The following BCO1 variants were observed in gnomAD, a reference collection of about 807,000 sequenced individuals.
BCO1 encodes the protein beta,beta-carotene 15,15'-dioxygenase.
In BCO1, 54 loss-of-function variants were observed where a neutral mutation model predicts 56.3. That is an observed-to-expected ratio of 0.96 (90% CI 0.77 to 1.20). The LOEUF is 1.20. Among genes scored for constraint, BCO1 ranks in the 50% most tolerant of loss-of-function variants. The pLI is 0.00. For missense variants in BCO1, 801 were observed against 690.9 expected, an observed-to-expected ratio of 1.16 and a Z score of -1.79; for synonymous variants, 318 against 266.1, an observed-to-expected ratio of 1.20 and a Z score of -1.90.
At chr16:81,248,074 C>G (rs1050699684) in intron 2 of BCO1, among the ~76,000 whole-genome samples, 2 of 152,070 alleles carry the variant, frequency 1.3e-5, no homozygotes, top group Non-Finnish European at 2.9e-5. Context: ...GTCTCGTGCA[C>G]AACACCTGCT....
chr16:81,250,728 G>A (rs1905742600), intron 2 of BCO1, among the ~76,000 whole-genome samples: 1 of 151,970 alleles, frequency 6.6e-6, no homozygotes, highest in Non-Finnish European at 1.5e-5. Flanking sequence ...TTACAGGCAT[G>A]AGCCACCATG....
intron 7 of BCO1, 110 bp downstream of exon 7, chr16:81,270,526 G>GA (rs936411072): frequency 0.05 from 49,345 of 980,212 alleles, no homozygotes; most frequent in Non-Finnish European, 0.055. Context: ...AACTGTTCTT[G>GA]AAAAAAAAAA....
chr16:81,258,449 C>G (rs1475319509), intron 2 of BCO1, among the ~76,000 whole-genome samples: 1 of 152,200 alleles, frequency 6.6e-6, no homozygotes, highest in Non-Finnish European at 1.5e-5. Flanking sequence ...TGTTCAATAT[C>G]AAACGTTACT....
intron 3 of BCO1, among the ~76,000 whole-genome samples, chr16:81,260,031 C>T (rs745380742): frequency 1.4e-4 from 21 of 152,120 alleles, no homozygotes; most frequent in Admixed American, 2.6e-4. Context: ...GGTGGGAAAG[C>T]GATTTGGAAT....
At position 81,262,305 on chromosome 16, in the gene BCO1, G is replaced by C. The variant is rs745894707; in HGVS notation, c.471+22G>C. 4.4e-6 allele frequency: 7 copies of C among 1,607,312 alleles called. No individual in the cohort carries two copies. The South Asian group carries it at 6.6e-5, about 15-fold the overall frequency. ...GAAGGTATCAACACATATGTAACCA[G>C]CATCACTTCCTGACTCAAGAAAGGG... On this transcript the variant is annotated intron_variant, in intron 4 of 10. Transcript: ENST00000258168.
chr16:81,285,688 CA>C lies in BCO1; in HGVS notation c.1302+57del, dbSNP rs1416733645. On this transcript the variant is annotated intron_variant, in intron 9 of 10. Coordinates refer to ENST00000258168, the MANE Select transcript of BCO1 (RefSeq NM_017429.3). ...TTCCTACAGTGATTGTGTCTATATG[CA>C]AAGCTGAATTCTAAGGTTCTGAGAC... 6 of 1,310,090 alleles carry C rather than the reference CA, an allele frequency of 4.6e-6. No individual in the cohort carries two copies. The Admixed American group carries it at 1.0e-4, about 22-fold the overall frequency. The allele number at this position is 1,310,090 out of a possible 1,614,324, so 81.2% of individuals were successfully genotyped here. A position where few individuals can be genotyped will look rare whatever the true frequency, so the allele number is the denominator to read the frequency against.
intron 1 of BCO1, among the ~76,000 whole-genome samples, chr16:81,244,857 C>G (rs1905305334): frequency 6.6e-6 from 1 of 151,754 alleles, no homozygotes; most frequent in Non-Finnish European, 1.5e-5. Context: ...GCAGCTGGGA[C>G]TACAGGCATA....
intron 2 of BCO1, among the ~76,000 whole-genome samples, chr16:81,255,214 C>T (rs1260390678): frequency 1.3e-5 from 2 of 152,194 alleles, no homozygotes; most frequent in East Asian, 3.8e-4. Context: ...AGACAGAACA[C>T]TCAAACTGAT....
intron 5 of BCO1, among the ~76,000 whole-genome samples, chr16:81,266,533 G>C (rs1036655772): frequency 2.6e-5 from 4 of 152,140 alleles, no homozygotes; most frequent in African/African-American, 7.2e-5. Context: ...GAGCCTTCGA[G>C]GTCAGAAGGT....
At chr16:81,253,671 T>C (rs1290271129) in intron 2 of BCO1, among the ~76,000 whole-genome samples, 5 of 152,102 alleles carry the variant, frequency 3.3e-5, no homozygotes, top group African/African-American at 1.2e-4. Flanking sequence ...CCTACAGAAA[T>C]ATCTCAGTGA....
At position 81,276,520 on chromosome 16, in the gene BCO1, G is replaced by A. The variant is rs771893339; in HGVS notation, c.1102-4337G>A. ...TGGTTGTGCTGGCTAGGGCATCCACGCAGTGAGGGATGGAGCCTGGGATGA... is the reference window on the plus strand; with the variant it reads ...TGGTTGTGCTGGCTAGGGCATCCACACAGTGAGGGATGGAGCCTGGGATGA... On this transcript the variant is annotated intron_variant, in intron 7 of 10. Transcript: ENST00000258168. Among the ~76,000 whole-genome samples the A allele has an allele frequency of 1.6e-4, 25 of 152,226 alleles. 1 individual carries two copies. Among genetic ancestry groups the A allele is most frequent in the Non-Finnish European group, 3.1e-4 (21 of 68,042 alleles).
intron 1 of BCO1, 34 bp downstream of exon 1, chr16:81,239,006 CTATT>C (rs772450447): frequency 6.4e-7 from 1 of 1,559,166 alleles, no homozygotes; most frequent in Non-Finnish European, 8.8e-7. Flanking sequence ...GCTCTTTCTT[CTATT>C]TATTTTATTA....
intron 6 of BCO1, among the ~76,000 whole-genome samples, chr16:81,269,168 A>G (rs1187857691): frequency 6.8e-6 from 1 of 147,708 alleles, no homozygotes; most frequent in Non-Finnish European, 1.5e-5. Context: ...ATAGAAAGCC[A>G]TGTATAAAAT....
intron 10 of BCO1, among the ~76,000 whole-genome samples, chr16:81,289,973 C>T (rs1285889148): frequency 6.6e-6 from 1 of 152,224 alleles, no homozygotes; most frequent in Non-Finnish European, 1.5e-5. Context: ...AAGTAATTCT[C>T]TGGCTTCAGT....
chr16:81,252,151 G>A (rs994733691), intron 2 of BCO1, among the ~76,000 whole-genome samples: 2 of 152,008 alleles, frequency 1.3e-5, no homozygotes, highest in Non-Finnish European at 2.9e-5. Flanking sequence ...GGGGCTGGAT[G>A]TTTATAGGAA....
intron 2 of BCO1, among the ~76,000 whole-genome samples, chr16:81,252,890 C>T (rs1905897794): frequency 6.6e-6 from 1 of 152,156 alleles, no homozygotes; most frequent in South Asian, 2.1e-4. Flanking sequence ...CACCTCACCA[C>T]TTGAGGTCAG....
chr16:81,252,624 C>T (rs1905878701), intron 2 of BCO1, among the ~76,000 whole-genome samples: 1 of 152,188 alleles, frequency 6.6e-6, no homozygotes, highest in South Asian at 2.1e-4. Flanking sequence ...TGGGTGGTGA[C>T]TCCCAGCAAC....
At chr16:81,267,505 C>G (rs142528018) in intron 5 of BCO1, among the ~76,000 whole-genome samples, 86 of 152,186 alleles carry the variant, frequency 5.7e-4, no homozygotes, top group African/African-American at 1.9e-3. Context: ...ACCAGCTACT[C>G]GGGAGGCTGA....
chr16:81,290,373 T>A lies in BCO1; in HGVS notation c.1440T>A (p.Ser480=). 1.2e-6 allele frequency: 2 copies of A among 1,614,178 alleles called. No individual in the cohort carries two copies. Among genetic ancestry groups the A allele is most frequent in the Non-Finnish European group, 1.7e-6 (2 of 1,180,000 alleles). ...GAGTAATCTTATCAGCCATTGTCTC[T>A]ACTGATCCCCAAAAGCTGCCTTTTC... ...DDGVILSAIV[S]TDPQKLPFLL... is the part of the protein sequence containing the mutation. Residue 480 remains serine (S), a synonymous_variant, in exon 11 of 11, where the codon TCT becomes TCA. Coordinates refer to ENST00000258168, the MANE Select transcript of BCO1 (RefSeq NM_017429.3).
Sources: allele counts gnomAD v4.1 joint callset (sites outside exome capture counted in the v4.1 genomes callset), GRCh38; gene constraint gnomAD v4.1.1; transcripts MANE v1.5; gene names NCBI Gene and HGNC (gene_info 2026-07-23, HGNC 2026-07-21).